Variants in SH2B1 observed in about 807,000 individuals in gnomAD.
SH2B1 encodes SH2B adaptor protein 1.
Under a neutral mutation model 62.6 loss-of-function variants are expected in SH2B1, and 15 were observed. The observed-to-expected ratio is 0.24, with a 90% CI of 0.16 to 0.37. The LOEUF is 0.37. Among genes scored for constraint, SH2B1 ranks in the 10% least tolerant of loss-of-function variants. The pLI, the probability that SH2B1 is intolerant of heterozygous loss-of-function variation, is 1.00. For synonymous variants in SH2B1, 443 were observed against 438.0 expected (o/e 1.01, Z -0.14); for missense variants, 925 against 1,015.6 (o/e 0.91, Z 1.21).
At position 28,865,126 on chromosome 16, in the gene SH2B1, G is replaced by A. The variant is rs910557685; in HGVS notation, c.-969G>A. 3.0e-6 allele frequency: 3 copies of A among 985,592 alleles called. No homozygotes were observed. Among genetic ancestry groups the A allele is most frequent in the Non-Finnish European group, 3.6e-6 (3 of 829,968 alleles). 61.1% of individuals were successfully genotyped at this position (985,592 alleles called of 1,614,324 possible). A position where few individuals can be genotyped will look rare whatever the true frequency, so the allele number is the denominator to read the frequency against. ...ATACTCCCCAGTGGGAGAAGAGGAA[G>A]GTGAAAAATCCTAGGGCCCCAGCTC... is the stretch of plus-strand genomic sequence containing the variant. On this transcript the variant is annotated 5_prime_UTR_variant, in exon 1 of 8. Transcript: ENST00000684370.
chr16:28,866,341 G>T lies in SH2B1; in HGVS notation c.247G>T (p.Ala83Ser), dbSNP rs777630506. The change falls in exon 1 of 8, where the codon GCC (alanine) becomes TCC (serine). Residue 83 changes from alanine to serine, a missense_variant. Physicochemically the swap from Ala to Ser is moderately conservative, Grantham distance 99. Coordinates refer to ENST00000684370, the MANE Select transcript of SH2B1 (RefSeq NM_001387430.1). This position sits in a 1 kb window ranked among gnomAD's most constrained non-coding sequence, Gnocchi z 6.3. Reference protein sequence around the residue: ...LQHFEAEVARASGSLSPPILA... With the variant: ...LQHFEAEVARSSGSLSPPILA... ...GCACTTTGAAGCCGAGGTGGCCCGG[G>T]CCTCTGGCTCCCTGTCGCCACCCAT... The T allele has an allele frequency of 1.9e-6, 3 of 1,612,490 alleles. No homozygotes were observed. The highest frequency in any genetic ancestry group is 2.7e-5 in the African/African-American group (2 of 74,916).
rs1962653517 is a variant in SH2B1, at chr16:28,865,858, A to T, written c.-237A>T. On this transcript the variant is annotated 5_prime_UTR_variant, in exon 1 of 8. Transcript: ENST00000684370. ...TGGCTGGGGCCTGCAGGGTGCCAGG[A>T]TCTGGGAGAGGGAAGGGAGGTGTTG... is the stretch of plus-strand genomic sequence containing the variant. The T allele has an allele frequency of 7.7e-7, 1 of 1,304,252 alleles. No individual in the cohort carries two copies. The highest frequency in any genetic ancestry group is 1.5e-5 in the African/African-American group (1 of 65,450). 80.8% of individuals were successfully genotyped at this position (1,304,252 alleles called of 1,614,324 possible).
intron 4 of SH2B1, among the ~76,000 whole-genome samples, chr16:28,870,301 C>T (rs1345874222): frequency 6.6e-6 from 1 of 152,082 alleles, no homozygotes; most frequent in South Asian, 2.1e-4. Context: ...ACATCACTCC[C>T]TATAGAAAGC....
At chr16:28,863,709 C>A, upstream of SH2B1, 1 of 1,535,810 alleles carries the variant, frequency 6.5e-7, no homozygotes, top group Non-Finnish European at 8.7e-7. Flanking sequence ...AGATTCACAC[C>A]GTCTTCGGTC....
Position 28,867,366 on chromosome 16 carries a change from T to C in SH2B1, c.975T>C (p.Ser325=). Residue 325 remains serine (S), a synonymous_variant, in exon 2 of 8, where the codon TCT becomes TCC. Transcript: ENST00000684370. ...SRPRLSIPCS[S]ITDVRTTTAL... is the part of the protein sequence containing the mutation. ...CCCGACTCAGCATCCCCTGCTCTTC[T>C]ATCACAGACGTCCGGACAACCACAG... 1 of 1,614,182 alleles carries C rather than the reference T, an allele frequency of 6.2e-7. No homozygotes were observed. The highest frequency in any genetic ancestry group is 1.1e-5 in the South Asian group (1 of 91,082).
At chr16:28,860,760 A>G (rs1362468810), upstream of SH2B1, among the ~76,000 whole-genome samples, 1 of 151,446 alleles carries the variant, frequency 6.6e-6, no homozygotes, top group Non-Finnish European at 1.5e-5. Context: ...ACTCACTCCC[A>G]CACTCCCTGG....
chr16:28,860,645 T>C (rs7201929), upstream of SH2B1, among the ~76,000 whole-genome samples: 39,297 of 152,022 alleles, frequency 0.26, 5,695 homozygotes, highest in South Asian at 0.64. Flanking sequence ...TAGTTATCAA[T>C]GCCTTCTAGA....
Position 28,864,077 on chromosome 16 carries a change from A to G in SH2B1, c.-2018A>G, listed in dbSNP as rs1962551127. 1.5e-6 allele frequency: 2 copies of G among 1,325,598 alleles called. No individual in the cohort carries two copies. Among genetic ancestry groups the G allele is most frequent in the Non-Finnish European group, 1.9e-6 (2 of 1,032,580 alleles). The allele number at this position is 1,325,598 out of a possible 1,614,324, so 82.1% of individuals were successfully genotyped here. A position where few individuals can be genotyped will look rare whatever the true frequency, so the allele number is the denominator to read the frequency against. ...GGGCTGGAGAGGCACTCGGCCCCGG[A>G]GAGTGCAGCAGACAGGGCTGGTCCC... On this transcript the variant is annotated 5_prime_UTR_variant, in exon 1 of 8. Transcript: ENST00000684370.
At chr16:28,852,162 A>G (rs1962112543) in intron 1 of SH2B1, among the ~76,000 whole-genome samples, 1 of 145,622 alleles carries the variant, frequency 6.9e-6, no homozygotes, top group Non-Finnish European at 1.5e-5. Flanking sequence ...AACTATGAGC[A>G]AGACTCCGTA....
In SH2B1 at chr16:28,867,410, G is replaced by C; in HGVS notation, c.1019G>C (p.Arg340Pro). 6.2e-7 allele frequency: 1 copy of C among 1,613,840 alleles called. No individual in the cohort carries two copies. Among genetic ancestry groups the C allele is most frequent in the Admixed American group, 1.7e-5 (1 of 60,026 alleles). ...ACCACAGCCCTGGAGATGCCTGACC[G>C]GGAGAACACGTTTGTGGTTAAGGTA... ...RTTTALEMPD[R>P]ENTFVVKVEG... The change falls in exon 2 of 8, where the codon CGG (arginine) becomes CCG (proline). Residue 340 changes from arginine (R) to proline (P), a missense_variant. By Grantham distance (103) the Arg-to-Pro change is moderately radical (BLOSUM62 -2). Transcript: ENST00000684370.
In SH2B1 at chr16:28,865,780, A is replaced by C; in HGVS notation, c.-315A>C. 1 of 1,140,824 alleles carries C rather than the reference A, an allele frequency of 8.8e-7. No homozygotes were observed. 70.7% of individuals were successfully genotyped at this position (1,140,824 alleles called of 1,614,324 possible). On this transcript the variant is annotated 5_prime_UTR_variant, in exon 1 of 8. Coordinates refer to ENST00000684370, the MANE Select transcript of SH2B1 (RefSeq NM_001387430.1). ...CTACTGCTGGATCCAAAGCTAAGGA[A>C]AGTGGGGGCAAATGTGGCAGGCTCG... is the stretch of plus-strand genomic sequence containing the variant.
At chr16:28,863,430 C>T, upstream of SH2B1, 1 of 447,534 alleles carries the variant, frequency 2.2e-6, no homozygotes, top group East Asian at 4.0e-5. Context: ...GCGTTGTCCG[C>T]GTGCCCCTCC....
intron 4 of SH2B1, among the ~76,000 whole-genome samples, chr16:28,870,691 T>G (rs1224914679): frequency 2.0e-5 from 3 of 152,044 alleles, no homozygotes; most frequent in African/African-American, 7.2e-5. Context: ...ATTGTTTGTG[T>G]TTTTGTTTTT....
intron 4 of SH2B1, 32 bp from the exon 5 acceptor site, chr16:28,871,748 T>C (rs1440692192): frequency 1.0e-5 from 16 of 1,567,630 alleles, no homozygotes; most frequent in Middle Eastern, 1.7e-4. Flanking sequence ...AGGAATTTCT[T>C]GGGTTCTCAG....
Position 28,863,889 on chromosome 16 carries a change from CG to C in SH2B1, c.-2203del. 1 of 1,487,472 alleles carries C rather than the reference CG, an allele frequency of 6.7e-7. No individual in the cohort carries two copies. The highest frequency in any genetic ancestry group is 8.9e-7 in the Non-Finnish European group (1 of 1,124,522). The allele number at this position is 1,487,472 out of a possible 1,614,324, so 92.1% of individuals were successfully genotyped here. A position where few individuals can be genotyped will look rare whatever the true frequency, so the allele number is the denominator to read the frequency against. ...GCGTAGTGGGTGGGGGCGCAGGGAGCGGGAGCCGCCGCCGCCGCCGCCGCCG... is the reference window on the plus strand; with the variant it reads ...GCGTAGTGGGTGGGGGCGCAGGGAGCGGAGCCGCCGCCGCCGCCGCCGCCG... On this transcript the variant is annotated 5_prime_UTR_variant, in exon 1 of 8. Transcript: ENST00000684370.
chr16:28,854,542 G>C (rs1962279216), intron 1 of SH2B1, among the ~76,000 whole-genome samples: 1 of 152,026 alleles, frequency 6.6e-6, no homozygotes, highest in African/African-American at 2.4e-5. Context: ...GATTGCTTGA[G>C]CCCAAGAGTT....
At chr16:28,858,981 T>C (rs1962380522), upstream of SH2B1, among the ~76,000 whole-genome samples, 1 of 151,950 alleles carries the variant, frequency 6.6e-6, no homozygotes, top group Non-Finnish European at 1.5e-5. Flanking sequence ...TGGTTTTTTT[T>C]AGAGACAGGA....
chr16:28,850,394 A>G (rs897457939), intron 1 of SH2B1, among the ~76,000 whole-genome samples: 6 of 152,194 alleles, frequency 3.9e-5, no homozygotes, highest in African/African-American at 1.4e-4. Flanking sequence ...CCTTGTCTCT[A>G]CAAACATAAA....
At chr16:28,860,071 CCT>C (rs1237004219), upstream of SH2B1, among the ~76,000 whole-genome samples, 1 of 152,040 alleles carries the variant, frequency 6.6e-6, no homozygotes, top group Non-Finnish European at 1.5e-5. Flanking sequence ...CAGCGACCAT[CCT>C]CTCTACTGAT....
Sources: allele counts gnomAD v4.1 joint callset (sites outside exome capture counted in the v4.1 genomes callset), GRCh38; gene constraint gnomAD v4.1.1; non-coding constraint Gnocchi (gnomAD v3.1); transcripts MANE v1.5; gene names NCBI Gene and HGNC (gene_info 2026-07-23, HGNC 2026-07-21).